The following CEP85L variants were observed in gnomAD, a reference collection of about 807,000 sequenced individuals.
CEP85L encodes centrosomal protein 85L, also known as centrosomal protein of 85 kDa-like.
CEP85L carries 60 observed loss-of-function variants against 100.3 expected under a neutral mutation model. The observed-to-expected ratio is 0.60, with a 90% CI of 0.49 to 0.74. The LOEUF is 0.74. Ranked by LOEUF, CEP85L falls within the 30% of genes least tolerant of loss-of-function variation. CEP85L has a pLI of 0.00. For synonymous variants in CEP85L, 319 were observed against 322.7 expected (o/e 0.99, Z 0.12); for missense variants, 973 against 936.2 (o/e 1.04, Z -0.51).
chr6:118,577,109 C>T (rs967834186), intron 2 of CEP85L, among the ~76,000 whole-genome samples: 4 of 152,134 alleles, frequency 2.6e-5, no homozygotes, highest in African/African-American at 9.7e-5. Flanking sequence ...TGAGGGCTAT[C>T]CAACCCCGTA....
At chr6:118,497,803 A>T (rs1251362861) in intron 5 of CEP85L, among the ~76,000 whole-genome samples, 5 of 152,248 alleles carry the variant, frequency 3.3e-5, no homozygotes, top group Non-Finnish European at 7.3e-5. Context: ...AGAAAGCAAG[A>T]GCATCGGAAA....
In CEP85L at chr6:118,495,958, C is replaced by T. The variant is rs560097213; in HGVS notation, c.1258-4093G>A. ...AGGATGTGCAAGAGGATATGTCATA[C>T]GCACTTTTATTGCCAACCAACACCA... is the stretch of plus-strand genomic sequence containing the variant. On this transcript the variant is annotated intron_variant, in intron 5 of 12. Coordinates refer to ENST00000368491, the MANE Select transcript of CEP85L (RefSeq NM_001042475.3). Among the ~76,000 whole-genome samples the T allele has an allele frequency of 7.7e-4, 117 of 152,304 alleles. 1 individual carries two copies. The highest frequency in any genetic ancestry group is 3.4e-3 in the Middle Eastern group (1 of 294).
At chr6:118,670,532 T>C (rs1243484908) in intron 1 of CEP85L, among the ~76,000 whole-genome samples, 1 of 150,882 alleles carries the variant, frequency 6.6e-6, no homozygotes, top group African/African-American at 2.4e-5. Context: ...TGGTTTTCTG[T>C]TCCTGTATTA....
intron 1 of CEP85L, among the ~76,000 whole-genome samples, chr6:118,692,761 AGAC>A (rs1254849894): frequency 1.6e-4 from 10 of 62,552 alleles, no homozygotes; most frequent in Non-Finnish European, 2.0e-4. Flanking sequence ...AGAAGAAACA[AGAC>A]ATAGATACAT....
intron 1 of CEP85L, among the ~76,000 whole-genome samples, chr6:118,671,306 T>C (rs945146384): frequency 2.0e-5 from 3 of 152,214 alleles, no homozygotes. Context: ...TTTTCTTTTT[T>C]CTACACTTAT....
intron 1 of CEP85L, among the ~76,000 whole-genome samples, chr6:118,695,373 T>C (rs570967230): frequency 6.6e-6 from 1 of 152,332 alleles, no homozygotes; most frequent in Admixed American, 6.5e-5. Flanking sequence ...TTTTAGGGTG[T>C]ATTGTGGCTA....
At chr6:118,585,497 A>C (rs1216843274) in intron 2 of CEP85L, among the ~76,000 whole-genome samples, 1 of 152,110 alleles carries the variant, frequency 6.6e-6, no homozygotes, top group Non-Finnish European at 1.5e-5. Context: ...AAACCCCTCT[A>C]ATCTGGGAAG....
chr6:118,621,885 C>T (rs1169446671), intron 2 of CEP85L, among the ~76,000 whole-genome samples: 1 of 152,058 alleles, frequency 6.6e-6, no homozygotes, highest in Non-Finnish European at 1.5e-5. Context: ...TAAAGGAGAC[C>T]CAGAGGGCAA....
chr6:118,466,775 C>A (rs567808168), intron 12 of CEP85L, among the ~76,000 whole-genome samples: 14 of 152,086 alleles, frequency 9.2e-5, no homozygotes, highest in Non-Finnish European at 1.6e-4. Flanking sequence ...ATAGTTTAGA[C>A]AGATCTGTCT....
chr6:118,541,062 T>A (rs901398590), intron 3 of CEP85L, among the ~76,000 whole-genome samples: 1 of 152,154 alleles, frequency 6.6e-6, no homozygotes, highest in Non-Finnish European at 1.5e-5. Context: ...GGAAAAAAAA[T>A]CAATGTATTA....
upstream of CEP85L, among the ~76,000 whole-genome samples, chr6:118,653,099 T>C (rs1031613823): frequency 3.3e-5 from 5 of 152,230 alleles, no homozygotes; most frequent in Admixed American, 2.0e-4. Context: ...AATACACTTA[T>C]TATTTCAAAA....
chr6:118,615,131 A>G (rs6902812), intron 2 of CEP85L, among the ~76,000 whole-genome samples: 70,673 of 151,974 alleles, frequency 0.47, 16,945 homozygotes, highest in Middle Eastern at 0.57. Context: ...TACCATGTTC[A>G]TAGACTGGAA....
intron 1 of CEP85L, among the ~76,000 whole-genome samples, chr6:118,709,556 T>TGTGTGAGAGA (rs751698371): frequency 1.4e-5 from 2 of 142,224 alleles, no homozygotes; most frequent in African/African-American, 5.6e-5. Context: ...TGTGTGTGTG[T>TGTGTGAGAGA]GAGAGAGAGA....
chr6:118,667,108 G>A (rs1018295745), intron 1 of CEP85L, among the ~76,000 whole-genome samples: 2 of 152,090 alleles, frequency 1.3e-5, no homozygotes, highest in African/African-American at 2.4e-5. Context: ...GGGATCCTTC[G>A]GGTCCAGACT....
intron 12 of CEP85L, 90 bp from the exon 13 acceptor site, chr6:118,465,658 G>C (rs1180497449): frequency 2.5e-6 from 3 of 1,212,304 alleles, no homozygotes; most frequent in Non-Finnish European, 3.5e-6. Context: ...TGGAAATACA[G>C]TGCTACACAC....
chr6:118,629,220 T>C (rs1405085559), intron 2 of CEP85L, among the ~76,000 whole-genome samples: 1 of 152,208 alleles, frequency 6.6e-6, no homozygotes, highest in Non-Finnish European at 1.5e-5. Context: ...GATTTTGGTA[T>C]CAGGGGTCCT....
At chr6:118,539,513 CA>C (rs1314829790) in intron 3 of CEP85L, among the ~76,000 whole-genome samples, 1 of 152,094 alleles carries the variant, frequency 6.6e-6, no homozygotes, top group Non-Finnish European at 1.5e-5. Flanking sequence ...GTTAAGGGAC[CA>C]AAGCACTGCC....
At chr6:118,554,391 C>T (rs1381458202) in intron 3 of CEP85L, among the ~76,000 whole-genome samples, 2 of 152,168 alleles carry the variant, frequency 1.3e-5, no homozygotes, top group East Asian at 3.8e-4. Context: ...AAACATTCGT[C>T]CCGCCTAGGC....
intron 4 of CEP85L, among the ~76,000 whole-genome samples, chr6:118,511,999 G>A (rs1318906357): frequency 6.6e-6 from 1 of 151,692 alleles, no homozygotes; most frequent in Non-Finnish European, 1.5e-5. Flanking sequence ...TCCAGCCAAG[G>A]TGCAGTAGCA....
Sources: gnomAD v4.1 joint callset for allele counts (sites outside exome capture counted in the v4.1 genomes callset) on GRCh38, gnomAD v4.1.1 for gene constraint, MANE v1.5 for transcripts, NCBI Gene and HGNC (gene_info 2026-07-23, HGNC 2026-07-21) for gene names.